The following ANKRD33B variants were observed in gnomAD, a reference collection of about 807,000 sequenced individuals.
ANKRD33B encodes the protein ankyrin repeat domain-containing protein 33B.
Under a neutral mutation model 21.5 loss-of-function variants are expected in ANKRD33B, and 6 were observed. That is an observed-to-expected ratio of 0.28 (90% CI 0.15 to 0.55). The LOEUF is 0.55. Among genes scored for constraint, ANKRD33B ranks in the 20% least tolerant of loss-of-function variants. The probability of loss-of-function intolerance (pLI) is 0.94; values close to 1 mark genes in which losing one functional copy is unlikely to be tolerated. For synonymous variants in ANKRD33B, 347 were observed against 342.4 expected (o/e 1.01, Z -0.15); for missense variants, 698 against 747.2 (o/e 0.93, Z 0.77).
chr5:10,609,795 G>C (rs1736125643), intron 1 of ANKRD33B, among the ~76,000 whole-genome samples: 1 of 149,478 alleles, frequency 6.7e-6, no homozygotes, highest in Non-Finnish European at 1.5e-5. Context: ...TGTAATCTCA[G>C]CTACTTGGGC....
In ANKRD33B at chr5:10,656,105, G is replaced by GT. The variant is rs1229621425; in HGVS notation, c.*5995dup. 1 of 152,282 alleles carries GT rather than the reference G, an allele frequency of 6.6e-6. No individual in the cohort carries two copies. Among genetic ancestry groups the GT allele is most frequent in the Non-Finnish European group, 1.5e-5 (1 of 68,018 alleles). The allele number at this position is 152,282 out of a possible 1,614,324, so 9.4% of individuals were successfully genotyped here. A position where few individuals can be genotyped will look rare whatever the true frequency, so the allele number is the denominator to read the frequency against. ...ACGCCTCTCGGTGCATTTGGAACTT[G>GT]TTTATGCGCTGGTATAACTCGAGTC... On this transcript the variant is annotated 3_prime_UTR_variant, in exon 4 of 4. Transcript: ENST00000296657.
intron 1 of ANKRD33B, among the ~76,000 whole-genome samples, chr5:10,610,811 G>A (rs752472425): frequency 5.3e-5 from 8 of 152,212 alleles, no homozygotes; most frequent in Admixed American, 1.3e-4. Context: ...TTGGGAGGCC[G>A]AGGTGGGTGG....
intron 2 of ANKRD33B, among the ~76,000 whole-genome samples, chr5:10,634,943 C>CTG (rs1218869742): frequency 1.4e-5 from 2 of 139,840 alleles, no homozygotes; most frequent in African/African-American, 5.2e-5. Flanking sequence ...ATGGGGTCAT[C>CTG]TGTGTGATGA....
intron 3 of ANKRD33B, among the ~76,000 whole-genome samples, chr5:10,638,878 T>C (rs78292392): frequency 0.39 from 50,719 of 131,400 alleles, 10,915 homozygotes; most frequent in Middle Eastern, 0.52. Context: ...TGCATGGTAA[T>C]GTTAGCGGGT....
chr5:10,638,552 C>T (rs1039817879), intron 3 of ANKRD33B, among the ~76,000 whole-genome samples: 3 of 152,230 alleles, frequency 2.0e-5, no homozygotes, highest in Non-Finnish European at 2.9e-5. Context: ...ATGGTGGGAA[C>T]GGCCCAGGCC....
At chr5:10,641,143 A>G (rs988615430) in intron 3 of ANKRD33B, among the ~76,000 whole-genome samples, 5 of 148,954 alleles carry the variant, frequency 3.4e-5, no homozygotes, top group African/African-American at 1.2e-4. Flanking sequence ...CATTAATGTC[A>G]CTTTTCTGTT....
At chr5:10,637,425 G>GACACACAC (rs59222148) in intron 2 of ANKRD33B, among the ~76,000 whole-genome samples, 13,815 of 100,212 alleles carry the variant, frequency 0.14, 1,204 homozygotes, top group Middle Eastern at 0.19. Context: ...TAGGTAGTTA[G>GACACACAC]ACACACACAC....
chr5:10,588,809 CGTA>C (rs1735620900), intron 1 of ANKRD33B, among the ~76,000 whole-genome samples: 1 of 152,226 alleles, frequency 6.6e-6, no homozygotes, highest in African/African-American at 2.4e-5. Context: ...AGACGTTTGT[CGTA>C]TGCCATTGGG....
chr5:10,645,449 T>C (rs907289735), intron 3 of ANKRD33B, among the ~76,000 whole-genome samples: 1 of 149,120 alleles, frequency 6.7e-6, no homozygotes, highest in Non-Finnish European at 1.5e-5. Flanking sequence ...ATGGAAAGTA[T>C]AGATTTTTTT....
At chr5:10,598,458 A>G (rs10077142) in intron 1 of ANKRD33B, among the ~76,000 whole-genome samples, 135,750 of 151,996 alleles carry the variant, frequency 0.89, 60,641 homozygotes, top group Middle Eastern at 0.96. Context: ...GTAGAGATGG[A>G]GTTTCACCAT....
chr5:10,606,603 G>A lies in ANKRD33B; in HGVS notation c.367-11730G>A, dbSNP rs956012403. Among the ~76,000 whole-genome samples, 8 of 152,180 alleles carry A rather than the reference G, an allele frequency of 5.3e-5. No individual in the cohort carries two copies. In the East Asian group the frequency reaches 1.6e-3, roughly 30 times the overall value. The stretch of plus-strand genomic sequence containing the variant: ...ACAAAAATTAGCTGGGCGTGTTGGC[G>A]AGTGCCTGTAGTCCCAGCTACTCGG... On this transcript the variant is annotated intron_variant, in intron 1 of 3. Transcript: ENST00000296657.
At chr5:10,637,271 T>C (rs1194111390) in intron 2 of ANKRD33B, among the ~76,000 whole-genome samples, 1 of 152,186 alleles carries the variant, frequency 6.6e-6, no homozygotes, top group Non-Finnish European at 1.5e-5. Context: ...TGGGCGTGCC[T>C]GGGAATGAGC....
intron 1 of ANKRD33B, among the ~76,000 whole-genome samples, chr5:10,593,878 T>A (rs1380361815): frequency 6.6e-6 from 1 of 152,070 alleles, no homozygotes; most frequent in Non-Finnish European, 1.5e-5. Flanking sequence ...GCTGCAAGAC[T>A]ACTCTTGGCT....
At chr5:10,593,151 G>A (rs1735734422) in intron 1 of ANKRD33B, among the ~76,000 whole-genome samples, 1 of 151,790 alleles carries the variant, frequency 6.6e-6, no homozygotes, top group Admixed American at 6.6e-5. Flanking sequence ...TCTATAGTTT[G>A]ATTCTAAAAG....
chr5:10,622,829 G>C (rs1391656895), intron 2 of ANKRD33B, among the ~76,000 whole-genome samples: 1 of 128,940 alleles, frequency 7.8e-6, no homozygotes, highest in Non-Finnish European at 1.6e-5. Flanking sequence ...TTTCTGGCTT[G>C]CTCATTCTTC....
intron 2 of ANKRD33B, among the ~76,000 whole-genome samples, chr5:10,620,253 A>G (rs1051690889): frequency 2.0e-5 from 3 of 151,882 alleles, no homozygotes; most frequent in African/African-American, 7.3e-5. Context: ...CATGGAGGAG[A>G]GCTGGGGGTC....
intron 1 of ANKRD33B, among the ~76,000 whole-genome samples, chr5:10,606,819 C>T (rs1383328187): frequency 1.3e-5 from 2 of 151,600 alleles, no homozygotes; most frequent in Non-Finnish European, 2.9e-5. Flanking sequence ...AGCTCCGCCT[C>T]CCAGGTTCAT....
chr5:10,567,507 C>T (rs187518873), intron 1 of ANKRD33B, among the ~76,000 whole-genome samples: 6 of 152,114 alleles, frequency 3.9e-5, no homozygotes, highest in Non-Finnish European at 8.8e-5. Context: ...CTGCTTTTCA[C>T]ATGACGGTGT....
At chr5:10,636,394 T>A (rs1736865746) in intron 2 of ANKRD33B, among the ~76,000 whole-genome samples, 1 of 152,174 alleles carries the variant, frequency 6.6e-6, no homozygotes, top group Admixed American at 6.5e-5. Flanking sequence ...GGAGAACTGC[T>A]TGAATGCAGG....
Sources: gnomAD v4.1 joint callset for allele counts (sites outside exome capture counted in the v4.1 genomes callset) on GRCh38, gnomAD v4.1.1 for gene constraint, MANE v1.5 for transcripts, NCBI Gene and HGNC (gene_info 2026-07-23, HGNC 2026-07-21) for gene names.